Variants in FOXN1 observed in about 807,000 individuals in gnomAD.
FOXN1 encodes forkhead box protein N1.
Under a neutral mutation model 49.0 loss-of-function variants are expected in FOXN1, and 15 were observed. The ratio of observed to expected loss-of-function variants is 0.31; its 90% CI spans 0.20 to 0.47. The LOEUF (loss-of-function observed/expected upper bound fraction) is 0.47, where lower values mean the gene tolerates loss of function less well. FOXN1 is among the 20% of genes least tolerant of loss of function. The pLI is 1.00. For missense variants in FOXN1, 800 were observed against 842.8 expected (o/e 0.95, Z 0.63); for synonymous variants, 356 against 369.0 (o/e 0.96, Z 0.40).
At chr17:28,537,016 C>T (rs2070083076) in intron 8 of FOXN1, 101 bp from the exon 9 acceptor site, 5 of 924,794 alleles carry the variant, frequency 5.4e-6, no homozygotes, top group Admixed American at 1.7e-5. Context: ...GTCACCCTGA[C>T]CCCTGCTCTC....
chr17:28,521,528 G>A (rs568692090), intron 1 of FOXN1, among the ~76,000 whole-genome samples: 2 of 152,364 alleles, frequency 1.3e-5, no homozygotes, highest in Non-Finnish European at 2.9e-5. Flanking sequence ...CCCGCACCTC[G>A]GGCCCCATGC....
In FOXN1 at chr17:28,524,906, C is replaced by T. The variant is rs1232299563; in HGVS notation, c.527C>T (p.Ser176Leu). The change falls in exon 3 of 9, where the codon TCA (serine) becomes TTA (leucine). Residue 176 changes from serine (S) to leucine (L), a missense_variant. Around this residue, in one of 3 missense-constraint regions of FOXN1, gnomAD observed 383 missense variants for 357.9 expected, o/e 1.07. Transcript: ENST00000579795. ...GCCGAGGCCTTCCTGCCTGGCTTCT[C>T]AGCAGAGGCCTGGTGTAACGGGCTC... Reference protein sequence around the residue: ...AEAEAFLPGFSAEAWCNGLPY... With the variant: ...AEAEAFLPGFLAEAWCNGLPY... 2.2e-5 allele frequency: 36 copies of T among 1,613,246 alleles called. No homozygotes were observed. The highest frequency in any genetic ancestry group is 2.9e-5 in the Non-Finnish European group (34 of 1,180,032).
chr17:28,525,594 T>C (rs866545070), intron 3 of FOXN1, among the ~76,000 whole-genome samples: 8 of 152,204 alleles, frequency 5.3e-5, no homozygotes, highest in South Asian at 4.1e-4. Context: ...CATGGGATTG[T>C]TGCTTAGGGA....
In FOXN1 at chr17:28,537,367, G is replaced by GC. The variant is rs748040442; in HGVS notation, c.1884dup (p.Thr629HisfsTer147). On this transcript the variant is annotated frameshift_variant, in exon 9 of 9. Coordinates refer to ENST00000579795, the MANE Select transcript of FOXN1 (RefSeq NM_001369369.1). LOFTEE classifies it high-confidence loss of function. ...CTGCCTTTATGGAGCTGGAGCCCACGCCCCCCACGGCCCCTGCAGGCCCCT... is the reference window on the plus strand; with the variant it reads ...CTGCCTTTATGGAGCTGGAGCCCACGCCCCCCCACGGCCCCTGCAGGCCCCT... The GC allele has an allele frequency of 3.1e-6, 5 of 1,612,482 alleles. No individual in the cohort carries two copies. Among genetic ancestry groups the GC allele is most frequent in the Admixed American group, 1.7e-5 (1 of 60,016 alleles).
Position 28,538,459 on chromosome 17 carries a change from GAAACCACCGAAAGTCAA to G in FOXN1, c.*1031_*1047del, listed in dbSNP as rs571876113. The G allele has an allele frequency of 1.3e-5, 2 of 152,280 alleles. No individual in the cohort carries two copies. Among genetic ancestry groups the G allele is most frequent in the Admixed American group, 1.3e-4 (2 of 15,302 alleles). The allele number at this position is 152,280 out of a possible 1,614,324, so 9.4% of individuals were successfully genotyped here. A position where few individuals can be genotyped will look rare whatever the true frequency, so the allele number is the denominator to read the frequency against. ...ATGTCCGATAAACCCATTGTAAATT[GAAACCACCGAAAGTCAA>G]AAACCACTTTCGACTTACGATGTTT... On this transcript the variant is annotated 3_prime_UTR_variant, in exon 9 of 9. Coordinates refer to ENST00000579795, the MANE Select transcript of FOXN1 (RefSeq NM_001369369.1).
chr17:28,528,865 G>C (rs1446876866), intron 4 of FOXN1, among the ~76,000 whole-genome samples: 1 of 152,216 alleles, frequency 6.6e-6, no homozygotes, highest in African/African-American at 2.4e-5. Context: ...GGGCTGAGAG[G>C]AAGGAGCTGG....
Position 28,537,147 on chromosome 17 carries a change from G to A in FOXN1, c.1658G>A (p.Ser553Asn). The A allele has an allele frequency of 6.2e-7, 1 of 1,614,084 alleles. No individual in the cohort carries two copies. The highest frequency in any genetic ancestry group is 8.5e-7 in the Non-Finnish European group (1 of 1,179,954). ...GNLWEQLKDD[S>N]LALDPLVLVT... ...CTGTGGGAACAGTTGAAGGATGATA[G>A]CTTGGCCCTCGACCCCCTGGTACTG... is the stretch of plus-strand genomic sequence containing the variant. The change falls in exon 9 of 9, where the codon AGC (serine) becomes AAC (asparagine). Residue 553 changes from serine (S) to asparagine (N), a missense_variant. Ser to Asn is a conservative substitution (Grantham distance 46). Around this residue, in one of 3 missense-constraint regions of FOXN1, gnomAD observed 344 missense variants for 366.1 expected, o/e 0.94. Coordinates refer to ENST00000579795, the MANE Select transcript of FOXN1 (RefSeq NM_001369369.1).
chr17:28,514,158 G>T (rs2069447037), intron 1 of FOXN1, among the ~76,000 whole-genome samples: 1 of 152,180 alleles, frequency 6.6e-6, no homozygotes, highest in Admixed American at 6.5e-5. Flanking sequence ...GGACCAGCCT[G>T]CTTCCAGAGG....
intron 3 of FOXN1, among the ~76,000 whole-genome samples, chr17:28,526,727 G>T (rs1475095040): frequency 6.6e-6 from 1 of 152,178 alleles, no homozygotes; most frequent in African/African-American, 2.4e-5. Context: ...AGATCCTGCT[G>T]GAGCTTCCTG....
In FOXN1 at chr17:28,535,008, T is replaced by C; in HGVS notation, c.1437T>C (p.Leu479=). The C allele has an allele frequency of 6.2e-7, 1 of 1,613,798 alleles. No individual in the cohort carries two copies. Among genetic ancestry groups the C allele is most frequent in the Non-Finnish European group, 8.5e-7 (1 of 1,179,880 alleles). Residue 479 remains leucine (L), a synonymous_variant, in exon 8 of 9, where the codon CTT becomes CTC. Coordinates refer to ENST00000579795, the MANE Select transcript of FOXN1 (RefSeq NM_001369369.1). ...TGTTCCCACAGCCGGACGGGCACCT[T>C]GAGCTGCGGGCCCAGCCAGGCACCC... is the stretch of plus-strand genomic sequence containing the variant. ...QPLFPQPDGH[L]ELRAQPGTPQ... is the part of the protein sequence containing the mutation.
intron 1 of FOXN1, among the ~76,000 whole-genome samples, chr17:28,509,340 C>T (rs2069337211): frequency 6.6e-6 from 1 of 151,970 alleles, no homozygotes; most frequent in Non-Finnish European, 1.5e-5. Context: ...CCAAACTTGC[C>T]TCCATCACCA....
chr17:28,517,370 GCA>G, intron 1 of FOXN1, among the ~76,000 whole-genome samples: 1 of 139,898 alleles, frequency 7.1e-6, no homozygotes. Flanking sequence ...CCTCCACAGG[GCA>G]GACACCTCCA....
chr17:28,526,025 C>T (rs2069758482), intron 3 of FOXN1, among the ~76,000 whole-genome samples: 1 of 152,200 alleles, frequency 6.6e-6, no homozygotes, highest in Non-Finnish European at 1.5e-5. Flanking sequence ...AGAGTTCCCA[C>T]CATACCCGTG....
rs146899004 is a variant in FOXN1 at position 28,507,396 on chromosome 17, G to C, written c.-15+953G>C. ...TTGCCTCTTCTCTCGGCACCTACAG[G>C]CATGGGGGATATGTCTGGATGTGCT... On this transcript the variant is annotated intron_variant, in intron 1 of 8. Coordinates refer to ENST00000579795, the MANE Select transcript of FOXN1 (RefSeq NM_001369369.1). 4.5e-4 allele frequency among the ~76,000 whole-genome samples: 68 copies of C among 152,322 alleles called. No individual in the cohort carries two copies. In the East Asian group the frequency reaches 0.013, roughly 29 times the overall value.
chr17:28,535,055 C>T lies in FOXN1; in HGVS notation c.1484C>T (p.Ala495Val), dbSNP rs1357796279. The T allele has an allele frequency of 6.2e-7, 1 of 1,610,866 alleles. No individual in the cohort carries two copies. Among genetic ancestry groups the T allele is most frequent in the Non-Finnish European group, 8.5e-7 (1 of 1,177,822 alleles). Residue 495 changes from alanine to valine, a missense_variant, in exon 8 of 9, where the codon GCC becomes GTC. Physicochemically the swap from Ala to Val is moderately conservative, Grantham distance 64. Coordinates refer to ENST00000579795, the MANE Select transcript of FOXN1 (RefSeq NM_001369369.1). Reference protein sequence around the residue: ...PGTPQDSPLPAHTPPSHSAKL... With the variant: ...PGTPQDSPLPVHTPPSHSAKL... ...ACCCCCCAGGACTCGCCTCTGCCTG[C>T]CCACACCCCACCCAGCCACAGTGCC...
chr17:28,536,852 C>G (rs760899619), intron 8 of FOXN1, among the ~76,000 whole-genome samples: 1 of 152,140 alleles, frequency 6.6e-6, no homozygotes, highest in African/African-American at 2.4e-5. Flanking sequence ...CAGGCATCAA[C>G]CCCTCCCCAA....
At chr17:28,513,470 C>T (rs144534389) in intron 1 of FOXN1, among the ~76,000 whole-genome samples, 38 of 152,338 alleles carry the variant, frequency 2.5e-4, no homozygotes, top group Non-Finnish European at 4.7e-4. Flanking sequence ...TCTCTCCATC[C>T]GATGATCTGT....
At chr17:28,511,066 A>G (rs1282990635) in intron 1 of FOXN1, among the ~76,000 whole-genome samples, 1 of 147,680 alleles carries the variant, frequency 6.8e-6, no homozygotes, top group Admixed American at 6.7e-5. Context: ...CCTGCATAGC[A>G]GGGAACAATC....
intron 6 of FOXN1, among the ~76,000 whole-genome samples, chr17:28,532,732 C>T (rs767049268): frequency 4.6e-5 from 7 of 152,246 alleles, no homozygotes; most frequent in Non-Finnish European, 7.3e-5. Flanking sequence ...CATCCCATAG[C>T]CCCATGAGTC....
Sources: gnomAD v4.1 joint callset for allele counts (sites outside exome capture counted in the v4.1 genomes callset) on GRCh38, gnomAD v4.1.1 for gene constraint, gnomAD v4.1.1 regional missense constraint, MANE v1.5 for transcripts, NCBI Gene and HGNC (gene_info 2026-07-23, HGNC 2026-07-21) for gene names.